The following POLH variants were observed in gnomAD, a reference collection of about 807,000 sequenced individuals.
POLH encodes DNA polymerase eta transcript.
In POLH, 53 loss-of-function variants were observed where a neutral mutation model predicts 73.6. That is an observed-to-expected ratio of 0.72 (90% CI 0.58 to 0.91). POLH has a LOEUF of 0.91. Among genes scored for constraint, POLH ranks in the 40% least tolerant of loss-of-function variants. The probability of loss-of-function intolerance (pLI) is 0.00; values close to 1 mark genes in which losing one functional copy is unlikely to be tolerated. For missense variants in POLH, 768 were observed against 865.4 expected, an observed-to-expected ratio of 0.89 and a Z score of 1.41; for synonymous variants, 292 against 308.5, an observed-to-expected ratio of 0.95 and a Z score of 0.56.
chr6:43,593,896 A>AAAGAAAG (rs1554139793), intron 4 of POLH, among the ~76,000 whole-genome samples: 1 of 146,088 alleles, frequency 6.8e-6, no homozygotes, highest in African/African-American at 2.5e-5. Context: ...AAAAAAAAAA[A>AAAGAAAG]AAAGAAAGAA....
At chr6:43,581,581 T>A (rs539536405) in intron 1 of POLH, among the ~76,000 whole-genome samples, 5 of 150,120 alleles carry the variant, frequency 3.3e-5, no homozygotes, top group African/African-American at 1.2e-4. Flanking sequence ...GCCCGTCCGC[T>A]CCTCCAGCCG....
chr6:43,614,985 C>T lies in POLH; in HGVS notation c.*428C>T, dbSNP rs556680182. 1.8e-5 allele frequency: 3 copies of T among 167,900 alleles called. No homozygotes were observed. Among genetic ancestry groups the T allele is most frequent in the South Asian group, 1.4e-4 (1 of 7,090 alleles). 10.4% of individuals were successfully genotyped at this position (167,900 alleles called of 1,614,324 possible). On this transcript the variant is annotated 3_prime_UTR_variant, in exon 11 of 11. Coordinates refer to ENST00000372236, the MANE Select transcript of POLH (RefSeq NM_006502.3). ...AACAATGTATTCAAATTATGTAACT[C>T]GGCCGGGTACAATGGCTCACGCCTG...
At position 43,617,306 on chromosome 6, in the gene POLH, CTTAA is replaced by C. The variant is rs1439167019; in HGVS notation, c.*2752_*2755del. Among the ~76,000 whole-genome samples, 1 of 152,174 alleles carries C rather than the reference CTTAA, an allele frequency of 6.6e-6. No homozygotes were observed. Among genetic ancestry groups the C allele is most frequent in the African/African-American group, 2.4e-5 (1 of 41,442 alleles). The stretch of plus-strand genomic sequence containing the variant: ...AGTCTCAGCCTCACCACTATTCCCA[CTTAA>C]TTGTAATCTGATATTAACAAGATTT... On this transcript the variant is annotated 3_prime_UTR_variant, in exon 11 of 11. Transcript: ENST00000372236.
intron 1 of POLH, among the ~76,000 whole-genome samples, chr6:43,581,945 C>T (rs1245786697): frequency 4.0e-5 from 6 of 151,620 alleles, no homozygotes. Flanking sequence ...GTTTTTTCCA[C>T]TCAGGGTATC....
intron 4 of POLH, among the ~76,000 whole-genome samples, chr6:43,597,475 A>T (rs1388376415): frequency 6.6e-6 from 1 of 152,230 alleles, no homozygotes; most frequent in Non-Finnish European, 1.5e-5. Flanking sequence ...TATTTGTCGT[A>T]CATTAGCACT....
rs1039339736 is a variant in POLH, at chr6:43,618,044, C to A, written c.*3487C>A. 1.3e-5 allele frequency among the ~76,000 whole-genome samples: 2 copies of A among 152,176 alleles called. No individual in the cohort carries two copies. On this transcript the variant is annotated 3_prime_UTR_variant, in exon 11 of 11. Transcript: ENST00000372236. ...GTACAAATTTAAGAGGTAAGTGCTTCAGCCATTAGGGTTACTGGCTTGTTC... is the reference window on the plus strand; with the variant it reads ...GTACAAATTTAAGAGGTAAGTGCTTAAGCCATTAGGGTTACTGGCTTGTTC...
At chr6:43,608,021 C>T (rs535922610) in intron 9 of POLH, among the ~76,000 whole-genome samples, 2 of 152,236 alleles carry the variant, frequency 1.3e-5, no homozygotes, top group South Asian at 2.1e-4. Flanking sequence ...ATCCCAGCTA[C>T]GCAGGAGGCT....
At chr6:43,599,814 T>C (rs964431218) in intron 5 of POLH, among the ~76,000 whole-genome samples, 8 of 151,348 alleles carry the variant, frequency 5.3e-5, no homozygotes, top group Middle Eastern at 3.2e-3. Flanking sequence ...TTAAAAATTA[T>C]ATTTTTATAA....
In POLH at chr6:43,613,950, C is replaced by T. The variant is rs937566278; in HGVS notation, c.1535C>T (p.Ser512Leu). ...CCCACTCAGGCTCCCATGAGCAATT[C>T]ACCATCCAAGCCCTCATTACCTTTT... ...TAPTQAPMSN[S>L]PSKPSLPFQT... Residue 512 changes from serine (S) to leucine (L), a missense_variant, in exon 11 of 11, where the codon TCA (serine) becomes TTA (leucine). Physicochemically the swap from Ser to Leu is moderately radical, Grantham distance 145. Transcript: ENST00000372236. 1 of 1,613,908 alleles carries T rather than the reference C, an allele frequency of 6.2e-7. No individual in the cohort carries two copies. Among genetic ancestry groups the T allele is most frequent in the Non-Finnish European group, 8.5e-7 (1 of 1,180,058 alleles).
In POLH at chr6:43,614,060, G is replaced by C. The variant is rs1216293902; in HGVS notation, c.1645G>C (p.Val549Leu). Reference protein sequence around the residue: ...LKQKQLNNSSVSSPQQNPWSN... With the variant: ...LKQKQLNNSSLSSPQQNPWSN... ...GCAGAAACAGCTTAATAATTCTTCAGTTTCTTCCCCCCAACAAAACCCATG... is the reference window on the plus strand; with the variant it reads ...GCAGAAACAGCTTAATAATTCTTCACTTTCTTCCCCCCAACAAAACCCATG... Residue 549 changes from valine to leucine, a missense_variant, in exon 11 of 11, where the codon GTT becomes CTT. By Grantham distance (32) the Val-to-Leu change is conservative (BLOSUM62 1). Coordinates refer to ENST00000372236, the MANE Select transcript of POLH (RefSeq NM_006502.3). 4.3e-5 allele frequency: 70 copies of C among 1,614,020 alleles called. 1 individual carries two copies. In the Admixed American group the frequency reaches 1.1e-3, roughly 26 times the overall value.
intron 1 of POLH, among the ~76,000 whole-genome samples, chr6:43,577,454 C>G (rs1763492858): frequency 6.6e-6 from 1 of 152,186 alleles, no homozygotes; most frequent in Non-Finnish European, 1.5e-5. Context: ...AGAGGGACTT[C>G]TGGCATGTTA....
At chr6:43,595,697 G>T (rs1055262683) in intron 4 of POLH, among the ~76,000 whole-genome samples, 3 of 152,152 alleles carry the variant, frequency 2.0e-5, no homozygotes, top group African/African-American at 7.2e-5. Context: ...GCAGGAGAAT[G>T]GCGTGGACCC....
intron 1 of POLH, among the ~76,000 whole-genome samples, chr6:43,581,797 C>G (rs1001590924): frequency 6.6e-6 from 1 of 150,700 alleles, no homozygotes; most frequent in African/African-American, 2.4e-5. Flanking sequence ...AGCGCAGCCG[C>G]GCCAACCACC....
At chr6:43,582,273 G>A (rs767100356) in intron 1 of POLH, 43 bp from the exon 2 acceptor site, 21 of 1,591,522 alleles carry the variant, frequency 1.3e-5, no homozygotes, top group Non-Finnish European at 1.8e-5. Flanking sequence ...TGGCATTTTG[G>A]ATTAGGTGTT....
At position 43,614,326 on chromosome 6, in the gene POLH, G is replaced by A. The variant is rs1768180760; in HGVS notation, c.1911G>A (p.Lys637=). ...LAAEDQVPCE[K]CGSLVPVWDM... ...CTGAGGACCAAGTGCCCTGTGAGAA[G>A]TGTGGCTCCCTGGTACCGGTATGGG... The change falls in exon 11 of 11, where the codon AAG becomes AAA. Residue 637 remains lysine (K), a synonymous_variant. Transcript: ENST00000372236. 5 of 1,604,810 alleles carry A rather than the reference G, an allele frequency of 3.1e-6. No individual in the cohort carries two copies. Among genetic ancestry groups the A allele is most frequent in the Non-Finnish European group, 4.3e-6 (5 of 1,173,344 alleles).
Position 43,587,458 on chromosome 6 carries a change from C to A in POLH, c.459C>A (p.Gly153=). 1 of 1,613,952 alleles carries A rather than the reference C, an allele frequency of 6.2e-7. No homozygotes were observed. The highest frequency in any genetic ancestry group is 8.5e-7 in the Non-Finnish European group (1 of 1,179,804). Residue 153 remains glycine (G), a synonymous_variant, in exon 4 of 11, where the codon GGC becomes GGA. Coordinates refer to ENST00000372236, the MANE Select transcript of POLH (RefSeq NM_006502.3). Reference sequence around the variant, plus strand: ...CTTACATTGAAGGGTTGCCCCAAGGCCCTACAACGGCAGAAGAGACTGTTC... The same window carrying A: ...CTTACATTGAAGGGTTGCCCCAAGGACCTACAACGGCAGAAGAGACTGTTC... The part of the protein sequence containing the change: ...PSTYIEGLPQ[G]PTTAEETVQK...
In POLH at chr6:43,603,563, T is replaced by G. The variant is rs113494121; in HGVS notation, c.765-329T>G. ...TGTGAGCCATTGTGCCTGGCCAGAT[T>G]ATATATTCTTAAGTAAAGTTTTAGC... On this transcript the variant is annotated intron_variant, in intron 6 of 10. Coordinates refer to ENST00000372236, the MANE Select transcript of POLH (RefSeq NM_006502.3). Among the ~76,000 whole-genome samples, 57 of 152,244 alleles carry G rather than the reference T, an allele frequency of 3.7e-4. 1 individual carries two copies. The highest frequency in any genetic ancestry group is 3.4e-3 in the Middle Eastern group (1 of 294).
At chr6:43,584,513 A>C (rs1582274197) in intron 3 of POLH, among the ~76,000 whole-genome samples, 1 of 152,184 alleles carries the variant, frequency 6.6e-6, no homozygotes, top group African/African-American at 2.4e-5. Context: ...CTCCTCTCAC[A>C]CCACAAGAAC....
In POLH at chr6:43,610,623, C is replaced by T. The variant is rs552285614; in HGVS notation, c.1144C>T (p.Arg382Cys). 1.1e-5 allele frequency: 18 copies of T among 1,611,998 alleles called. No homozygotes were observed. The South Asian group carries it at 1.3e-4, about 12-fold the overall frequency. The part of the protein sequence containing the change: ...VQGDKRLSSL[R>C]RCCALTRYDA... ...AGGAGACAAACGCCTCAGCAGCCTG[C>T]GCCGCTGCTGTGCCCTTACCCGCTA... Residue 382 changes from arginine to cysteine, a missense_variant, in exon 10 of 11, where the codon CGC becomes TGC. Arg to Cys is a radical substitution (Grantham distance 180, BLOSUM62 -3). Transcript: ENST00000372236.
Sources: gnomAD v4.1 joint callset for allele counts (sites outside exome capture counted in the v4.1 genomes callset) on GRCh38, gnomAD v4.1.1 for gene constraint, MANE v1.5 for transcripts, NCBI Gene and HGNC (gene_info 2026-07-23, HGNC 2026-07-21) for gene names.